PCDHGB3: variants seen among roughly 807,000 people sequenced by gnomAD.
PCDHGB3 encodes the protein protocadherin gamma-B3.
A neutral mutation model predicts 59.2 loss-of-function variants in PCDHGB3; 40 were observed. That is an observed-to-expected ratio of 0.68 (90% confidence interval 0.52 to 0.88). The LOEUF is 0.88. Ranked by LOEUF, PCDHGB3 falls within the 40% of genes least tolerant of loss-of-function variation. The pLI is 0.00. For missense variants in PCDHGB3, 1,309 were observed against 1,187.9 expected, an observed-to-expected ratio of 1.10 and a Z score of -1.50; for synonymous variants, 581 against 503.6, an observed-to-expected ratio of 1.15 and a Z score of -2.06.
chr5:141,473,944 C>T (rs1279694347), intron 1 of PCDHGB3, among the ~76,000 whole-genome samples: 1 of 152,156 alleles, frequency 6.6e-6, no homozygotes, highest in Non-Finnish European at 1.5e-5. Context: ...TAGCTCAGGC[C>T]TGTAGTCCCA....
At chr5:141,435,447 A>C (rs2097764160) in intron 1 of PCDHGB3, among the ~76,000 whole-genome samples, 1 of 152,168 alleles carries the variant, frequency 6.6e-6, no homozygotes, top group Non-Finnish European at 1.5e-5. Context: ...CATTAATACG[A>C]TATCTGTATG....
At chr5:141,375,121 A>G (rs1483677104) in intron 1 of PCDHGB3, 1 of 1,613,942 alleles carries the variant, frequency 6.2e-7, no homozygotes, top group Non-Finnish European at 8.5e-7. Context: ...ATGTACCAGA[A>G]GTGGTTGTTA....
chr5:141,457,127 C>G (rs2098910262), intron 1 of PCDHGB3, among the ~76,000 whole-genome samples: 1 of 152,200 alleles, frequency 6.6e-6, no homozygotes, highest in Admixed American at 6.5e-5. Flanking sequence ...AATGGAAACT[C>G]TGTCCAATAT....
chr5:141,395,119 T>C, intron 1 of PCDHGB3: 1 of 1,614,182 alleles, frequency 6.2e-7, no homozygotes. Flanking sequence ...AGTCACCTGA[T>C]CTTTCCCCAG....
In PCDHGB3 at chr5:141,476,584, C is replaced by A; in HGVS notation, c.2416-18223C>A. ...TGGCTCCGGGGACGCGCTTTCCGCTCGAGAGCGCGCACGATCCCGATGTGG... is the reference window on the plus strand; with the variant it reads ...TGGCTCCGGGGACGCGCTTTCCGCTAGAGAGCGCGCACGATCCCGATGTGG... On this transcript the variant is annotated intron_variant, in intron 1 of 3. Coordinates refer to ENST00000576222, the MANE Select transcript of PCDHGB3 (RefSeq NM_018924.5). This position sits in a 1 kb window ranked among gnomAD's most constrained non-coding sequence, Gnocchi z 7.6. The A allele has an allele frequency of 6.2e-7, 1 of 1,614,216 alleles. No homozygotes were observed. The highest frequency in any genetic ancestry group is 8.5e-7 in the Non-Finnish European group (1 of 1,180,042).
chr5:141,419,325 ACT>A (rs1329600066), intron 1 of PCDHGB3: 33 of 1,613,586 alleles, frequency 2.0e-5, no homozygotes, highest in Non-Finnish European at 2.6e-5. Flanking sequence ...CGTGTCTCCT[ACT>A]CTCTCATTGC....
intron 1 of PCDHGB3, chr5:141,422,819 T>C (rs369004166): frequency 2.5e-6 from 4 of 1,614,068 alleles, no homozygotes; most frequent in Non-Finnish European, 2.5e-6. Flanking sequence ...GACTTAGAAC[T>C]GAGAGTGATA....
chr5:141,408,105 G>A (rs566753835), intron 1 of PCDHGB3: 22 of 1,439,788 alleles, frequency 1.5e-5, no homozygotes, highest in Admixed American at 8.2e-5. Context: ...TCCGAGACCC[G>A]GGACTCCTCC....
At position 141,388,323 on chromosome 5, in the gene PCDHGB3, C is replaced by T. The variant is rs534112048; in HGVS notation, c.2415+15514C>T. On this transcript the variant is annotated intron_variant, in intron 1 of 3. Coordinates refer to ENST00000576222, the MANE Select transcript of PCDHGB3 (RefSeq NM_018924.5). ...TGAGCTGCAAATAAGTGAGTCTGCA[C>T]AGCCTGGCACACGATTTATATTAGG... 54 of 1,613,894 alleles carry T rather than the reference C, an allele frequency of 3.3e-5. No individual in the cohort carries two copies. In the East Asian group the frequency reaches 1.2e-3, roughly 35 times the overall value.
At chr5:141,408,396 A>G (rs764101918) in intron 1 of PCDHGB3, 18 of 1,614,020 alleles carry the variant, frequency 1.1e-5, no homozygotes, top group South Asian at 5.5e-5. Flanking sequence ...TCGGCTCGCA[A>G]GCTGCGAGTG....
At chr5:141,442,629 A>G (rs959326665) in intron 1 of PCDHGB3, among the ~76,000 whole-genome samples, 2 of 152,248 alleles carry the variant, frequency 1.3e-5, no homozygotes, top group African/African-American at 4.8e-5. Context: ...TTCTAGCAGC[A>G]AGACCAAAGG....
chr5:141,415,001 C>G (rs1326591845), intron 1 of PCDHGB3: 2 of 1,613,712 alleles, frequency 1.2e-6, no homozygotes, highest in Non-Finnish European at 1.7e-6. Context: ...GCCTGGCTGT[C>G]CTACCGTCTG....
At chr5:141,441,638 G>A (rs1456506194) in intron 1 of PCDHGB3, 2 of 226,008 alleles carry the variant, frequency 8.8e-6, no homozygotes, top group Non-Finnish European at 1.8e-5. Flanking sequence ...AGCCACAGGC[G>A]CTGTGATTCT....
chr5:141,499,881 T>A (rs2099795027), intron 2 of PCDHGB3, among the ~76,000 whole-genome samples: 1 of 152,082 alleles, frequency 6.6e-6, no homozygotes, highest in African/African-American at 2.4e-5. Flanking sequence ...ACAAACAGGG[T>A]TTCGCCATGT....
At chr5:141,419,897 A>C in intron 1 of PCDHGB3, 1 of 1,613,960 alleles carries the variant, frequency 6.2e-7, no homozygotes, top group Non-Finnish European at 8.5e-7. Context: ...CGACCATCCC[A>C]CACCCTCTGA....
chr5:141,417,038 T>TTA (rs1491140470), intron 1 of PCDHGB3: 1 of 145,854 alleles, frequency 6.9e-6, no homozygotes, highest in Non-Finnish European at 1.5e-5. Context: ...GTTTTTTTTT[T>TTA]AAAAAAAACT....
Position 141,432,880 on chromosome 5 carries a change from C to T in PCDHGB3, c.2415+60071C>T, listed in dbSNP as rs865848752. ...CGGTCTCCTGCGTCTTCCTGGCCTT[C>T]GTCATCTTGCTGCTGGCGCTCAGGC... On this transcript the variant is annotated intron_variant, in intron 1 of 3. Transcript: ENST00000576222. The surrounding 1 kb of genome is among the most constrained non-coding windows in gnomAD (Gnocchi z 6.0). 1 of 1,614,194 alleles carries T rather than the reference C, an allele frequency of 6.2e-7. No individual in the cohort carries two copies. Among genetic ancestry groups the T allele is most frequent in the Non-Finnish European group, 8.5e-7 (1 of 1,180,008 alleles).
chr5:141,395,589 T>C (rs1254958503), intron 1 of PCDHGB3: 2 of 194,644 alleles, frequency 1.0e-5, no homozygotes, highest in Admixed American at 1.2e-4. Context: ...TGTGTGTGTG[T>C]GTATCCCAAA....
At position 141,485,342 on chromosome 5, in the gene PCDHGB3, G is replaced by A; in HGVS notation, c.2416-9465G>A. On this transcript the variant is annotated intron_variant, in intron 1 of 3. Coordinates refer to ENST00000576222, the MANE Select transcript of PCDHGB3 (RefSeq NM_018924.5). The surrounding 1 kb of genome is among the most constrained non-coding windows in gnomAD (Gnocchi z 5.7). ...CGCTCAAGATTTCCTGCTGGATACG[G>A]ACAGTCTGTCAGCTCGCAGGCTGCA... 1 of 1,614,164 alleles carries A rather than the reference G, an allele frequency of 6.2e-7. No homozygotes were observed. The highest frequency in any genetic ancestry group is 8.5e-7 in the Non-Finnish European group (1 of 1,180,026).
Sources: gnomAD v4.1 joint callset for allele counts (sites outside exome capture counted in the v4.1 genomes callset) on GRCh38, gnomAD v4.1.1 for gene constraint, Gnocchi (gnomAD v3.1) non-coding constraint, MANE v1.5 for transcripts, NCBI Gene and HGNC (gene_info 2026-07-23, HGNC 2026-07-21) for gene names.